Variants in MOB3B observed in about 807,000 individuals in gnomAD.
MOB3B encodes the protein MOB kinase activator 3B, also known as MOB kinase activator-like 2B.
In MOB3B, 7 loss-of-function variants were observed where a neutral mutation model predicts 18.7. The ratio of observed to expected loss-of-function variants is 0.37; its 90% CI spans 0.21 to 0.70. The LOEUF (loss-of-function observed/expected upper bound fraction) is 0.70. Among genes scored for constraint, MOB3B ranks in the 30% least tolerant of loss-of-function variants. The probability of loss-of-function intolerance (pLI) is 0.52; values close to 1 mark genes in which losing one functional copy is unlikely to be tolerated. For missense variants in MOB3B, 253 were observed against 281.3 expected (o/e 0.90, Z 0.72); for synonymous variants, 111 against 99.9 (o/e 1.11, Z -0.66).
intron 2 of MOB3B, among the ~76,000 whole-genome samples, chr9:27,407,172 G>C (rs1239387141): frequency 6.6e-6 from 1 of 152,120 alleles, no homozygotes; most frequent in African/African-American, 2.4e-5. Context: ...GCCCCACTCT[G>C]TGTAACCTAA....
intron 3 of MOB3B, among the ~76,000 whole-genome samples, chr9:27,357,121 AATATATATAT>A (rs56064443): frequency 1.3e-4 from 8 of 62,918 alleles, no homozygotes; most frequent in Admixed American, 8.4e-4. Context: ...GAGTAATGCA[AATATATATAT>A]ATATATATAT....
chr9:27,407,905 T>A (rs1193261928), intron 2 of MOB3B, among the ~76,000 whole-genome samples: 1 of 151,850 alleles, frequency 6.6e-6, no homozygotes, highest in Non-Finnish European at 1.5e-5. Context: ...ACTTGGGCTC[T>A]GCATTCTTTG....
chr9:27,355,234 T>C (rs1403479194), intron 3 of MOB3B, among the ~76,000 whole-genome samples: 1 of 152,076 alleles, frequency 6.6e-6, no homozygotes, highest in Non-Finnish European at 1.5e-5. Context: ...TGGCTGTGCA[T>C]GGTGGAGGCA....
At chr9:27,488,031 T>G (rs889763346) in intron 1 of MOB3B, among the ~76,000 whole-genome samples, 4 of 152,222 alleles carry the variant, frequency 2.6e-5, no homozygotes, top group African/African-American at 7.2e-5. Flanking sequence ...TCTGCCAGTA[T>G]GCAGACTGGC....
chr9:27,491,376 A>G (rs1819816329), intron 1 of MOB3B, among the ~76,000 whole-genome samples: 1 of 152,184 alleles, frequency 6.6e-6, no homozygotes. Context: ...GAAGTTGTGC[A>G]AGAGAGCACA....
chr9:27,510,061 T>G (rs1487984669), intron 1 of MOB3B, among the ~76,000 whole-genome samples: 1 of 152,206 alleles, frequency 6.6e-6, no homozygotes, highest in African/African-American at 2.4e-5. Flanking sequence ...AGTAACACTA[T>G]GTACTTAACT....
intron 2 of MOB3B, among the ~76,000 whole-genome samples, chr9:27,430,449 C>A (rs1412796161): frequency 2.6e-5 from 4 of 152,180 alleles, no homozygotes; most frequent in Non-Finnish European, 5.9e-5. Context: ...TCTTGGAGGA[C>A]CAGGCGGGGA....
At chr9:27,357,654 G>A (rs909759938) in intron 3 of MOB3B, among the ~76,000 whole-genome samples, 1 of 151,932 alleles carries the variant, frequency 6.6e-6, no homozygotes, top group Non-Finnish European at 1.5e-5. Context: ...GCTTTCCCAT[G>A]TGCTCTCTTG....
At chr9:27,417,045 A>G (rs531093137) in intron 2 of MOB3B, among the ~76,000 whole-genome samples, 5 of 152,296 alleles carry the variant, frequency 3.3e-5, no homozygotes, top group Admixed American at 3.3e-4. Flanking sequence ...TATTACCATG[A>G]AGATACAGGA....
intron 2 of MOB3B, among the ~76,000 whole-genome samples, chr9:27,379,631 A>G (rs781484174): frequency 6.6e-6 from 1 of 152,172 alleles, no homozygotes; most frequent in Non-Finnish European, 1.5e-5. Context: ...GAAGGCACCA[A>G]GTGAGACCTG....
chr9:27,395,311 C>CA (rs1336732708), intron 2 of MOB3B, among the ~76,000 whole-genome samples: 1 of 152,120 alleles, frequency 6.6e-6, no homozygotes, highest in African/African-American at 2.4e-5. Flanking sequence ...TAAATGTTCT[C>CA]ACCACAAAAA....
chr9:27,425,832 T>A (rs996773939), intron 2 of MOB3B, among the ~76,000 whole-genome samples: 2 of 152,206 alleles, frequency 1.3e-5, no homozygotes, highest in African/African-American at 4.8e-5. Flanking sequence ...CCAAACAATG[T>A]ATTTCAAGCT....
intron 1 of MOB3B, among the ~76,000 whole-genome samples, chr9:27,520,876 T>A (rs1820313882): frequency 6.6e-6 from 1 of 152,204 alleles, no homozygotes; most frequent in African/African-American, 2.4e-5. Context: ...TAAATCTGAA[T>A]TTCAGAAAAA....
chr9:27,340,573 C>A (rs1820925237), intron 3 of MOB3B, among the ~76,000 whole-genome samples: 2 of 152,156 alleles, frequency 1.3e-5, no homozygotes, highest in Admixed American at 1.3e-4. Context: ...TAGAGCCCCG[C>A]AGCCCACCCC....
intron 2 of MOB3B, among the ~76,000 whole-genome samples, chr9:27,415,786 A>G (rs1822136842): frequency 6.6e-6 from 1 of 152,212 alleles, no homozygotes; most frequent in Admixed American, 6.5e-5. Flanking sequence ...GACCAAGCAG[A>G]TGTGTAAGTG....
At chr9:27,507,455 G>A (rs1413006090) in intron 1 of MOB3B, among the ~76,000 whole-genome samples, 3 of 152,132 alleles carry the variant, frequency 2.0e-5, no homozygotes, top group Admixed American at 1.3e-4. Flanking sequence ...CTTACAATGC[G>A]CACTCCCCAA....
chr9:27,395,502 G>A (rs1454190677), intron 2 of MOB3B, among the ~76,000 whole-genome samples: 1 of 152,060 alleles, frequency 6.6e-6, no homozygotes, highest in Non-Finnish European at 1.5e-5. Flanking sequence ...GACAGAGAGA[G>A]GCAGGTTCTA....
chr9:27,458,864 G>C (rs548332427), intron 1 of MOB3B, among the ~76,000 whole-genome samples: 23 of 152,144 alleles, frequency 1.5e-4, no homozygotes, highest in Admixed American at 1.5e-3. Flanking sequence ...CCATTTTACA[G>C]ACAAGGAAAC....
intron 3 of MOB3B, among the ~76,000 whole-genome samples, chr9:27,340,220 A>C (rs1205922974): frequency 6.6e-6 from 1 of 152,234 alleles, no homozygotes; most frequent in Non-Finnish European, 1.5e-5. Flanking sequence ...ATGTGTGCAC[A>C]TATGTGCAGG....
Sources: gnomAD v4.1 joint callset for allele counts (sites outside exome capture counted in the v4.1 genomes callset) on GRCh38, gnomAD v4.1.1 for gene constraint, MANE v1.5 for transcripts, NCBI Gene and HGNC (gene_info 2026-07-23, HGNC 2026-07-21) for gene names.